C10orf105: variants seen among roughly 807,000 people sequenced by gnomAD.
The protein encoded by C10orf105 is chromosome 10 open reading frame 105, also known as uncharacterized protein C10orf105.
In C10orf105, 2 loss-of-function variants were observed where a neutral mutation model predicts 0.6. That is an observed-to-expected ratio of 3.18 (90% CI 1.30 to 10.01). The LOEUF is 10.01. Among genes scored for constraint, C10orf105 ranks in the 30% most tolerant of loss-of-function variants. C10orf105 has a pLI of 0.04. For missense variants in C10orf105, 209 were observed against 191.4 expected (o/e 1.09, Z -0.54); for synonymous variants, 95 against 82.4 (o/e 1.15, Z -0.83).
At chr10:71,717,993 T>C (rs1239937520) in intron 1 of C10orf105, 3 of 152,192 alleles carry the variant, frequency 2.0e-5, no homozygotes, top group African/African-American at 7.2e-5. Flanking sequence ...CAGGTCAGCA[T>C]GTGTGATATT....
chr10:71,734,388 G>T lies in C10orf105; in HGVS notation c.-6+3340C>A, dbSNP rs1343082087. ...GTCCCTCAGGTGCGGCCCATCGCTGGCCATGACACTTCCTAACCCATGTCC... is the reference window on the plus strand; with the variant it reads ...GTCCCTCAGGTGCGGCCCATCGCTGTCCATGACACTTCCTAACCCATGTCC... On this transcript the variant is annotated intron_variant, in intron 1 of 1. Transcript: ENST00000398786. 7 of 1,556,962 alleles carry T rather than the reference G, an allele frequency of 4.5e-6. No individual in the cohort carries two copies. The South Asian group carries it at 8.1e-5, about 18-fold the overall frequency.
At chr10:71,716,441 G>A in intron 1 of C10orf105, 99 bp from the exon 2 acceptor site, 1 of 968,670 alleles carries the variant, frequency 1.0e-6, no homozygotes, top group South Asian at 1.7e-5. Flanking sequence ...TGGGGGCAAG[G>A]CACTGTTAAA....
chr10:71,736,723 G>C (rs539372905), intron 1 of C10orf105, among the ~76,000 whole-genome samples: 1 of 152,322 alleles, frequency 6.6e-6, no homozygotes, highest in South Asian at 2.1e-4. Flanking sequence ...CACCTGCTGT[G>C]TCCCAGGCAC....
Position 71,736,523 on chromosome 10 carries a change from T to C in C10orf105, c.-6+1205A>G, listed in dbSNP as rs962109651. Among the ~76,000 whole-genome samples the C allele has an allele frequency of 7.9e-5, 12 of 152,070 alleles. No individual in the cohort carries two copies. The East Asian group carries it at 9.7e-4, about 12-fold the overall frequency. The stretch of plus-strand genomic sequence containing the variant: ...TGAGTAAGTTCAGGCCTTCAGGGGG[T>C]AGGGGAGGGCAATGTGGATTGTGAG... On this transcript the variant is annotated intron_variant, in intron 1 of 1. Coordinates refer to the C10orf105 transcript ENST00000398786.
intron 1 of C10orf105, among the ~76,000 whole-genome samples, chr10:71,724,932 C>T (rs898950695): frequency 6.6e-6 from 1 of 152,200 alleles, no homozygotes; most frequent in Non-Finnish European, 1.5e-5. Context: ...GCTGGACCAG[C>T]CCTGAGATGT....
chr10:71,718,000 T>C (rs138645778), intron 1 of C10orf105: 9 of 152,362 alleles, frequency 5.9e-5, no homozygotes, highest in African/African-American at 1.9e-4. Context: ...GCATGTGTGA[T>C]ATTTAAATTC....
chr10:71,731,750 C>G (rs1258731263), intron 1 of C10orf105, among the ~76,000 whole-genome samples: 5 of 152,140 alleles, frequency 3.3e-5, no homozygotes, highest in African/African-American at 4.8e-5. Context: ...TCTGTCCTAT[C>G]TCTGGTGCCA....
At chr10:71,730,473 T>C (rs1839334318) in intron 1 of C10orf105, 1 of 1,613,652 alleles carries the variant, frequency 6.2e-7, no homozygotes, top group Non-Finnish European at 8.5e-7. Context: ...CCACAGGTGA[T>C]TGTGTACGTG....
chr10:71,716,139 T>C lies in C10orf105; in HGVS notation c.199A>G (p.Ser67Gly). ...ATGCACTCGTGAGCCCTGCGGCGGC[T>C]CGGGTCCAGCGCGGCCGGCTTGCAG... ...TLCKPAALDPSRRRAHECMPH... is the reference protein window; with the variant it reads ...TLCKPAALDPGRRRAHECMPH... The change falls in exon 2 of 2, where the codon AGC becomes GGC. Residue 67 changes from serine (S) to glycine (G), a missense_variant. Transcript: ENST00000441508. 6.5e-7 allele frequency: 1 copy of C among 1,550,086 alleles called. No individual in the cohort carries two copies.
intron 1 of C10orf105, among the ~76,000 whole-genome samples, chr10:71,731,671 G>A (rs1225179701): frequency 3.3e-5 from 5 of 152,186 alleles, no homozygotes; most frequent in African/African-American, 9.7e-5. Context: ...CCCAATGCTT[G>A]TATGTCCAGA....
intron 1 of C10orf105, chr10:71,725,414 T>C (rs754600381): frequency 6.2e-7 from 1 of 1,614,038 alleles, no homozygotes; most frequent in South Asian, 1.1e-5. Flanking sequence ...AGCAATGGGC[T>C]CCTGATGCGA....
chr10:71,735,764 C>T (rs1839545240), intron 1 of C10orf105, among the ~76,000 whole-genome samples: 1 of 152,238 alleles, frequency 6.6e-6, no homozygotes. Context: ...GTGGCTGGGC[C>T]ATACCTAAAG....
upstream of C10orf105, among the ~76,000 whole-genome samples, chr10:71,720,630 T>C (rs77916135): frequency 3.0e-3 from 454 of 152,252 alleles, 1 homozygote; most frequent in African/African-American, 0.01. Context: ...CATTCCCTTT[T>C]TTGGAGCCCC....
At chr10:71,737,497 A>G (rs1486651451) in intron 1 of C10orf105, among the ~76,000 whole-genome samples, 2 of 152,232 alleles carry the variant, frequency 1.3e-5, no homozygotes, top group Non-Finnish European at 2.9e-5. Context: ...AAACCTGTAT[A>G]GAAGGAAGAA....
rs183213976 is a variant in C10orf105 at position 71,733,033 on chromosome 10, A to G, written c.-6+4695T>C. Among the ~76,000 whole-genome samples the G allele has an allele frequency of 1.4e-3, 208 of 152,232 alleles. 1 individual carries two copies. Among genetic ancestry groups the G allele is most frequent in the Middle Eastern group, 3.4e-3 (1 of 294 alleles). Reference sequence around the variant, plus strand: ...AAAACTGCCTCCACTTCAGCTGCCAATCACAACCTCTAGGTTGTTTGACCC... The same window carrying G: ...AAAACTGCCTCCACTTCAGCTGCCAGTCACAACCTCTAGGTTGTTTGACCC... On this transcript the variant is annotated intron_variant, in intron 1 of 1. Transcript: ENST00000398786.
intron 1 of C10orf105, chr10:71,725,532 G>A: frequency 6.2e-7 from 1 of 1,609,938 alleles, no homozygotes; most frequent in Non-Finnish European, 8.5e-7. Flanking sequence ...TGAGGCTAGG[G>A]GCGGGCTGGG....
rs376392673 is a variant in C10orf105 at position 71,732,289 on chromosome 10, A to G, written c.-6+5439T>C. On this transcript the variant is annotated intron_variant, in intron 1 of 1. Coordinates refer to the C10orf105 transcript ENST00000398786. ...GATTGTGCGGGTCCAGGCCTACTCC[A>G]TCGACAACCTCAACCAAATCACGTA... The G allele has an allele frequency of 3.7e-6, 6 of 1,612,752 alleles. No individual in the cohort carries two copies. Among genetic ancestry groups the G allele is most frequent in the Non-Finnish European group, 4.2e-6 (5 of 1,179,394 alleles).
chr10:71,724,072 G>A (rs111033509), upstream of C10orf105: 93 of 1,560,284 alleles, frequency 6.0e-5, no homozygotes, highest in East Asian at 1.2e-3. Flanking sequence ...AGATGAGGGC[G>A]AGTTTGGGCG....
intron 1 of C10orf105, chr10:71,716,622 G>A (rs909884840): frequency 1.7e-5 from 6 of 351,948 alleles, no homozygotes; most frequent in East Asian, 4.4e-5. Context: ...TGGCCTGTCC[G>A]CATTTTCAAA....
Sources: gnomAD v4.1 joint callset for allele counts (sites outside exome capture counted in the v4.1 genomes callset) on GRCh38, gnomAD v4.1.1 for gene constraint, MANE v1.5 for transcripts, NCBI Gene and HGNC (gene_info 2026-07-23, HGNC 2026-07-21) for gene names.